The following TEAD1 variants were observed in gnomAD, a reference collection of about 807,000 sequenced individuals.
The protein encoded by TEAD1 is TEA domain transcription factor 1, also known as transcriptional enhancer factor TEF-1.
In TEAD1, 9 loss-of-function variants were observed where a neutral mutation model predicts 54.9. The ratio of observed to expected loss-of-function variants is 0.16; its 90% CI spans 0.10 to 0.29. The LOEUF (loss-of-function observed/expected upper bound fraction) is 0.29, where lower values mean the gene tolerates loss of function less well. TEAD1 is among the 10% of genes least tolerant of loss of function. The pLI is 1.00. For synonymous variants in TEAD1, 200 were observed against 187.8 expected, an observed-to-expected ratio of 1.07 and a Z score of -0.53; for missense variants, 387 against 535.9, an observed-to-expected ratio of 0.72 and a Z score of 2.74.
At chr11:12,797,892 A>C (rs1347298625) in intron 3 of TEAD1, among the ~76,000 whole-genome samples, 2 of 151,492 alleles carry the variant, frequency 1.3e-5, no homozygotes, top group Non-Finnish European at 2.9e-5. Context: ...TCAGTCCCTT[A>C]CTCTTCCATT....
intron 5 of TEAD1, chr11:12,865,294 A>G (rs1263552115): frequency 5.6e-6 from 1 of 178,688 alleles, no homozygotes; most frequent in Non-Finnish European, 1.2e-5. Flanking sequence ...TTGAGTAGAA[A>G]TTATTTAGAA....
intron 8 of TEAD1, 41 bp from the exon 9 acceptor site, chr11:12,882,960 A>T: frequency 6.2e-7 from 1 of 1,613,836 alleles, no homozygotes; most frequent in Non-Finnish European, 8.5e-7. Flanking sequence ...GCCCAAGGGG[A>T]GGTGAGTGAC....
intron 3 of TEAD1, among the ~76,000 whole-genome samples, chr11:12,820,819 A>G (rs955506170): frequency 4.6e-5 from 7 of 152,330 alleles, no homozygotes; most frequent in Non-Finnish European, 8.8e-5. Context: ...ATTGAGGTAC[A>G]TTAACTTAAA....
At chr11:12,761,729 G>C (rs544794891) in intron 2 of TEAD1, among the ~76,000 whole-genome samples, 1 of 152,328 alleles carries the variant, frequency 6.6e-6, no homozygotes, top group South Asian at 2.1e-4. Flanking sequence ...TATCTTAGGA[G>C]AGATTTGCTC....
At chr11:12,724,065 T>A (rs1043815110) in intron 2 of TEAD1, among the ~76,000 whole-genome samples, 1 of 152,210 alleles carries the variant, frequency 6.6e-6, no homozygotes, top group Non-Finnish European at 1.5e-5. Flanking sequence ...GCAGTGGTGC[T>A]CAGCATTTGA....
intron 9 of TEAD1, among the ~76,000 whole-genome samples, chr11:12,891,642 G>T (rs887650097): frequency 3.3e-5 from 5 of 152,336 alleles, no homozygotes; most frequent in Non-Finnish European, 7.3e-5. Flanking sequence ...AAATAAGCTT[G>T]TTGAAATACC....
At chr11:12,935,679 C>T (rs913066512) in intron 12 of TEAD1, among the ~76,000 whole-genome samples, 1 of 151,960 alleles carries the variant, frequency 6.6e-6, no homozygotes, top group Non-Finnish European at 1.5e-5. Flanking sequence ...AGGCGGGTCT[C>T]GAACTCCTGA....
intron 2 of TEAD1, among the ~76,000 whole-genome samples, chr11:12,722,267 A>G (rs4506628): frequency 0.13 from 19,518 of 152,152 alleles, 4,279 homozygotes; most frequent in African/African-American, 0.45. Flanking sequence ...CACATCTCCT[A>G]AACCTGGTCA....
At chr11:12,748,441 G>A (rs1944796317) in intron 2 of TEAD1, among the ~76,000 whole-genome samples, 1 of 152,216 alleles carries the variant, frequency 6.6e-6, no homozygotes, top group Non-Finnish European at 1.5e-5. Context: ...TTCTGGATGG[G>A]TGGCTGGAGG....
intron 3 of TEAD1, among the ~76,000 whole-genome samples, chr11:12,811,321 G>T (rs1946296224): frequency 6.6e-6 from 1 of 152,214 alleles, no homozygotes. Context: ...TGCAGGACTG[G>T]TTACTGGTTG....
At chr11:12,927,240 G>A (rs1948919051) in intron 11 of TEAD1, among the ~76,000 whole-genome samples, 1 of 152,184 alleles carries the variant, frequency 6.6e-6, no homozygotes, top group South Asian at 2.1e-4. Context: ...TCTGCATTTG[G>A]TGTGAAGTAG....
chr11:12,859,508 C>G (rs1369247976), intron 3 of TEAD1, among the ~76,000 whole-genome samples: 1 of 152,170 alleles, frequency 6.6e-6, no homozygotes, highest in Non-Finnish European at 1.5e-5. Flanking sequence ...CCTAGCTGGG[C>G]TCTGTTGTCA....
At chr11:12,885,709 GAAATT>G (rs1467329952) in intron 9 of TEAD1, among the ~76,000 whole-genome samples, 1 of 152,108 alleles carries the variant, frequency 6.6e-6, no homozygotes, top group African/African-American at 2.4e-5. Flanking sequence ...TTTTTTAAAA[GAAATT>G]AAAATAATGT....
intron 9 of TEAD1, among the ~76,000 whole-genome samples, chr11:12,889,712 ATTTATT>A (rs1319621885): frequency 6.6e-6 from 1 of 152,090 alleles, no homozygotes; most frequent in Non-Finnish European, 1.5e-5. Context: ...TATGAAACTC[ATTTATT>A]TTTATTTTTA....
intron 3 of TEAD1, among the ~76,000 whole-genome samples, chr11:12,806,127 TGTTA>T (rs1399476634): frequency 2.6e-5 from 4 of 152,226 alleles, no homozygotes; most frequent in African/African-American, 9.6e-5. Context: ...GTTAATACAC[TGTTA>T]AATAACATTT....
chr11:12,908,891 T>TTTTTG (rs1284655171), intron 10 of TEAD1, among the ~76,000 whole-genome samples: 1 of 151,336 alleles, frequency 6.6e-6, no homozygotes, highest in African/African-American at 2.4e-5. Flanking sequence ...CTGTTTTTTT[T>TTTTTG]TTTTTGAGAC....
chr11:12,733,410 A>C (rs1421704518), intron 2 of TEAD1, among the ~76,000 whole-genome samples: 1 of 152,092 alleles, frequency 6.6e-6, no homozygotes, highest in African/African-American at 2.4e-5. Context: ...CAGCTCTTTG[A>C]TTAACTGAAA....
chr11:12,852,855 G>A (rs554226717), intron 3 of TEAD1, among the ~76,000 whole-genome samples: 1 of 152,336 alleles, frequency 6.6e-6, no homozygotes, highest in South Asian at 2.1e-4. Flanking sequence ...ACTCAGCAGA[G>A]TCTGATTGTG....
At chr11:12,737,816 T>G (rs2133888099) in intron 2 of TEAD1, among the ~76,000 whole-genome samples, 1 of 152,080 alleles carries the variant, frequency 6.6e-6, no homozygotes, top group Admixed American at 6.5e-5. Context: ...ATCGTAAGGG[T>G]GATGTATTAG....
Sources: allele counts gnomAD v4.1 joint callset (sites outside exome capture counted in the v4.1 genomes callset), GRCh38; gene constraint gnomAD v4.1.1; transcripts MANE v1.5; gene names NCBI Gene and HGNC (gene_info 2026-07-23, HGNC 2026-07-21).